The following ISM2 variants were observed in gnomAD, a reference collection of about 807,000 sequenced individuals.
The protein encoded by ISM2 is isthmin 2, also known as isthmin-2.
Under a neutral mutation model 58.0 loss-of-function variants are expected in ISM2, and 50 were observed. That is an observed-to-expected ratio of 0.86 (90% CI 0.69 to 1.09). ISM2 has a LOEUF of 1.09. Among genes scored for constraint, ISM2 ranks in the 50% least tolerant of loss-of-function variants. The probability of loss-of-function intolerance (pLI) is 0.00; values close to 1 mark genes in which losing one functional copy is unlikely to be tolerated. For synonymous variants in ISM2, 303 were observed against 312.4 expected (o/e 0.97, Z 0.32); for missense variants, 723 against 745.0 (o/e 0.97, Z 0.34).
intron 6 of ISM2, 121 bp from the exon 7 acceptor site, chr14:77,476,233 G>T: frequency 8.7e-7 from 1 of 1,144,692 alleles, no homozygotes. Flanking sequence ...TGGTGCAAAG[G>T]CGTGGCTTGG....
At chr14:77,476,402 G>A (rs1306919638) in intron 6 of ISM2, among the ~76,000 whole-genome samples, 2 of 152,240 alleles carry the variant, frequency 1.3e-5, no homozygotes, top group African/African-American at 4.8e-5. Flanking sequence ...GAAAGGTTTA[G>A]GTGTCATGTG....
chr14:77,496,163 C>T (rs1305082919), intron 1 of ISM2, among the ~76,000 whole-genome samples: 2 of 139,736 alleles, frequency 1.4e-5, no homozygotes, highest in Non-Finnish European at 3.0e-5. Flanking sequence ...TGCAGTGAGC[C>T]GAGATTGAGC....
chr14:77,482,595 G>A lies in ISM2; in HGVS notation c.700C>T (p.Pro234Ser). ...AGCCAGCTAAGGGTATCCTGGGGCG[G>A]GGGATTGCTGGGCTCAGCCAACAGG... ...IDLLAEPSNP[P>S]PQDTLSWLPA... The change falls in exon 4 of 7, where the codon CCG becomes TCG. Residue 234 changes from proline (P) to serine (S), a missense_variant. Coordinates refer to ENST00000342219, the MANE Select transcript of ISM2 (RefSeq NM_199296.3). 1.2e-6 allele frequency: 2 copies of A among 1,610,096 alleles called. No individual in the cohort carries two copies. The highest frequency in any genetic ancestry group is 1.7e-6 in the Non-Finnish European group (2 of 1,178,106).
chr14:77,493,527 T>A (rs1458421574), intron 1 of ISM2, among the ~76,000 whole-genome samples: 1 of 152,146 alleles, frequency 6.6e-6, no homozygotes, highest in African/African-American at 2.4e-5. Flanking sequence ...AGTGGCACGA[T>A]CTCAGCACAC....
chr14:77,489,646 T>TGGGATTA (rs945435493), intron 1 of ISM2, among the ~76,000 whole-genome samples: 5 of 152,134 alleles, frequency 3.3e-5, no homozygotes, highest in Admixed American at 6.5e-5. Context: ...CCTGAGTAGC[T>TGGGATTA]GGGATTAGGT....
At chr14:77,498,566 G>T (rs1321224266) in intron 1 of ISM2, 87 bp downstream of exon 1, 1 of 1,382,448 alleles carries the variant, frequency 7.2e-7, no homozygotes, top group South Asian at 1.5e-5. Context: ...TGTGTGTCCC[G>T]GTCCCGCTCC....
intron 4 of ISM2, among the ~76,000 whole-genome samples, chr14:77,481,483 ACTGTAT>A (rs1427652594): frequency 6.6e-6 from 1 of 152,156 alleles, no homozygotes; most frequent in Non-Finnish European, 1.5e-5. Context: ...CCATGCTGGC[ACTGTAT>A]ATGTCTTAAC....
At chr14:77,478,835 A>T in intron 4 of ISM2, 120 bp from the exon 5 acceptor site, 1 of 1,026,942 alleles carries the variant, frequency 9.7e-7, no homozygotes, top group Admixed American at 2.2e-5. Flanking sequence ...TTCCAGCCTC[A>T]TGAATGAAGC....
At position 77,498,714 on chromosome 14, in the gene ISM2, A is replaced by C; in HGVS notation, c.80T>G (p.Leu27Arg). Residue 27 changes from leucine to arginine, a missense_variant, in exon 1 of 7, where the codon CTC becomes CGC. Leu to Arg is a moderately radical substitution (Grantham distance 102, BLOSUM62 -2). Coordinates refer to ENST00000342219, the MANE Select transcript of ISM2 (RefSeq NM_199296.3). ...LAALLEAALG[L>R]PVKKPRLRGP... ...GCGGAGCCGCGGCTTCTTCACGGGG[A>C]GCCCTAGCGCCGCCTCCAGCAGCGC... 12 of 1,484,584 alleles carry C rather than the reference A, an allele frequency of 8.1e-6. No individual in the cohort carries two copies. Among genetic ancestry groups the C allele is most frequent in the Non-Finnish European group, 1.1e-5 (12 of 1,125,740 alleles). 92.0% of individuals were successfully genotyped at this position (1,484,584 alleles called of 1,614,324 possible). A position where few individuals can be genotyped will look rare whatever the true frequency, so the allele number is the denominator to read the frequency against.
At chr14:77,482,176 G>A (rs946140394) in intron 4 of ISM2, 146 bp downstream of exon 4, 57 of 550,482 alleles carry the variant, frequency 1.0e-4, no homozygotes, top group Non-Finnish European at 1.8e-4. Flanking sequence ...TGTTACTTTT[G>A]AGTTGATGAT....
intron 4 of ISM2, among the ~76,000 whole-genome samples, chr14:77,480,492 C>A (rs1226164883): frequency 6.6e-6 from 1 of 150,726 alleles, no homozygotes; most frequent in Non-Finnish European, 1.5e-5. Flanking sequence ...AGCACTGGCG[C>A]CAAGAGTTTA....
intron 1 of ISM2, among the ~76,000 whole-genome samples, chr14:77,488,563 C>G (rs565213852): frequency 7.9e-5 from 12 of 152,354 alleles, no homozygotes; most frequent in African/African-American, 2.6e-4. Context: ...CACCTACTAG[C>G]TGCATGACCT....
At chr14:77,478,170 G>T in intron 6 of ISM2, 72 bp downstream of exon 6, 1 of 1,267,302 alleles carries the variant, frequency 7.9e-7, no homozygotes, top group Non-Finnish European at 1.1e-6. Context: ...TTCCTGCCAT[G>T]GAATAATACC....
At chr14:77,498,482 A>T in intron 1 of ISM2, 171 bp downstream of exon 1, 1 of 1,190,048 alleles carries the variant, frequency 8.4e-7, no homozygotes, top group Non-Finnish European at 1.2e-6. Context: ...AGTCCGGCGC[A>T]CCTGGGCAAC....
chr14:77,482,694 G>C, intron 3 of ISM2, 27 bp from the exon 4 acceptor site: 5 of 1,411,558 alleles, frequency 3.5e-6, no homozygotes, highest in Non-Finnish European at 4.8e-6. Context: ...AGGCCGGCCA[G>C]TGAAGGAGGT....
In ISM2 at chr14:77,495,206, G is replaced by A. The variant is rs558777874; in HGVS notation, c.141+3447C>T. ...CGCAGGCCCCTCTTTTTAAATGTGA[G>A]GAAATCATCCGAGGTGAGTCACACA... On this transcript the variant is annotated intron_variant, in intron 1 of 6. Coordinates refer to ENST00000342219, the MANE Select transcript of ISM2 (RefSeq NM_199296.3). 2.0e-4 allele frequency among the ~76,000 whole-genome samples: 31 copies of A among 152,178 alleles called. 2 individuals carry two copies. In the East Asian group the frequency reaches 5.4e-3, roughly 27 times the overall value.
In ISM2 at chr14:77,484,743, C is replaced by T. The variant is rs1326994521; in HGVS notation, c.318G>A (p.Arg106=). The T allele has an allele frequency of 1.2e-6, 2 of 1,612,894 alleles. No individual in the cohort carries two copies. Among genetic ancestry groups the T allele is most frequent in the Admixed American group, 1.7e-5 (1 of 59,830 alleles). ...ATCCCGGCAGCTTCTGCAGCTCCAG[C>T]CGCAACGGAGTAACCTCTGGGGTCC... ...PPRTPEVTPL[R]LELQKLPGLA... Residue 106 remains arginine, a synonymous_variant, in exon 2 of 7, where the codon CGG becomes CGA. Coordinates refer to ENST00000342219, the MANE Select transcript of ISM2 (RefSeq NM_199296.3).
Position 77,478,622 on chromosome 14 carries a change from C to G in ISM2, c.1067G>C (p.Gly356Ala), listed in dbSNP as rs753540777. 3.1e-6 allele frequency: 5 copies of G among 1,612,432 alleles called. No homozygotes were observed. The highest frequency in any genetic ancestry group is 4.2e-6 in the Non-Finnish European group (5 of 1,179,312). The part of the protein sequence containing the change: ...KQQRTRPCGY[G>A]CTATETRTCD... ...GGTACGGGTCTCGGTGGCAGTGCAG[C>G]CATAGCCACAGGGCCGAGTCCTCTG... is the stretch of plus-strand genomic sequence containing the variant. Residue 356 changes from glycine (G) to alanine (A), a missense_variant, in exon 5 of 7, where the codon GGC becomes GCC. Transcript: ENST00000342219.
intron 3 of ISM2, 66 bp downstream of exon 3, chr14:77,484,257 C>A: frequency 1.3e-6 from 2 of 1,568,436 alleles, no homozygotes; most frequent in Non-Finnish European, 1.7e-6. Context: ...GTATCCTGAG[C>A]CCACCTTGTC....
Sources: gnomAD v4.1 joint callset for allele counts (sites outside exome capture counted in the v4.1 genomes callset) on GRCh38, gnomAD v4.1.1 for gene constraint, MANE v1.5 for transcripts, NCBI Gene and HGNC (gene_info 2026-07-23, HGNC 2026-07-21) for gene names.